Variants in LPA observed in about 807,000 individuals in gnomAD.
LPA encodes the protein apolipoprotein(a).
Under a neutral mutation model 197.9 loss-of-function variants are expected in LPA, and 199 were observed. The observed-to-expected ratio is 1.01, with a 90% CI of 0.90 to 1.13. The LOEUF (loss-of-function observed/expected upper bound fraction) is 1.13. LPA is among the 50% of genes most tolerant of loss of function. The pLI, the probability that LPA is intolerant of heterozygous loss-of-function variation, is 0.00. For synonymous variants in LPA, 715 were observed against 639.5 expected (o/e 1.12, Z -1.78); for missense variants, 1,853 against 1,785.8 (o/e 1.04, Z -0.68).
chr6:160,594,151 A>G, intron 21 of LPA, 34 bp from the exon 22 acceptor site: 1 of 1,613,108 alleles, frequency 6.2e-7, no homozygotes, highest in Non-Finnish European at 8.5e-7. Context: ...AAGCTGAGTA[A>G]TTTCTAGAAC....
chr6:160,605,976 T>C lies in LPA; in HGVS notation c.2785+501A>G, dbSNP rs41270978. 3.2e-3 allele frequency among the ~76,000 whole-genome samples: 482 copies of C among 152,284 alleles called. 1 individual carries two copies. The highest frequency in any genetic ancestry group is 5.8e-3 in the South Asian group (28 of 4,826). On this transcript the variant is annotated intron_variant, in intron 17 of 38. Coordinates refer to ENST00000316300, the MANE Select transcript of LPA (RefSeq NM_005577.4). ...TGAGGAAGTCCTGAAACATAGATCATTGGGAGTTCATGTACTGCTCCATAG... is the reference window on the plus strand; with the variant it reads ...TGAGGAAGTCCTGAAACATAGATCACTGGGAGTTCATGTACTGCTCCATAG...
intron 31 of LPA, 49 bp downstream of exon 31, chr6:160,548,429 A>G (rs1778110781): frequency 6.3e-7 from 1 of 1,587,006 alleles, no homozygotes; most frequent in South Asian, 1.1e-5. Flanking sequence ...CCGTTGTCCA[A>G]GCACATAGAG....
chr6:160,532,466 G>T, intron 38 of LPA, 65 bp downstream of exon 38: 2 of 1,305,020 alleles, frequency 1.5e-6, no homozygotes, highest in Non-Finnish European at 2.2e-6. Context: ...CTTTGGGACT[G>T]ACGTCTAAGG....
In LPA at chr6:160,564,781, C is replaced by T. The variant is rs553506547; in HGVS notation, c.4632-7210G>A. 1.8e-4 allele frequency among the ~76,000 whole-genome samples: 28 copies of T among 152,268 alleles called. No individual in the cohort carries two copies. The South Asian group carries it at 2.5e-3, about 14-fold the overall frequency. Reference sequence around the variant, plus strand: ...GCCATGACAGATGTACCCGGAAAATCGGGACACTCCCACCCTAATATTGCA... The same window carrying T: ...GCCATGACAGATGTACCCGGAAAATTGGGACACTCCCACCCTAATATTGCA... On this transcript the variant is annotated intron_variant, in intron 28 of 38. Transcript: ENST00000316300.
chr6:160,611,469 G>A (rs922313310), intron 16 of LPA, 93 bp downstream of exon 16: 1 of 1,558,112 alleles, frequency 6.4e-7, no homozygotes, highest in East Asian at 2.2e-5. Flanking sequence ...TCTGACACAA[G>A]TTGAGTTCGG....
At chr6:160,552,755 A>C (rs1387312901) in intron 30 of LPA, among the ~76,000 whole-genome samples, 1 of 152,208 alleles carries the variant, frequency 6.6e-6, no homozygotes, top group Non-Finnish European at 1.5e-5. Flanking sequence ...TATTCTAAAA[A>C]GAACACACTT....
chr6:160,647,613 C>T (rs893187853), intron 2 of LPA, among the ~76,000 whole-genome samples: 2 of 152,078 alleles, frequency 1.3e-5, no homozygotes, highest in African/African-American at 4.8e-5. Context: ...ATACAACAAA[C>T]CTCAGAGTTA....
chr6:160,631,749 T>C (rs1190512934), intron 8 of LPA, among the ~76,000 whole-genome samples: 1 of 151,236 alleles, frequency 6.6e-6, no homozygotes, highest in East Asian at 1.9e-4. Flanking sequence ...TGTGATTTTT[T>C]TTAATGTTCT....
intron 6 of LPA, among the ~76,000 whole-genome samples, chr6:160,635,517 T>A (rs1474410161): frequency 5.2e-5 from 6 of 116,426 alleles, no homozygotes; most frequent in East Asian, 2.4e-4. Flanking sequence ...CTATTTTTTT[T>A]AAATAAAAAA....
At chr6:160,573,609 G>A (rs768196020) in intron 28 of LPA, among the ~76,000 whole-genome samples, 9 of 152,172 alleles carry the variant, frequency 5.9e-5, no homozygotes, top group African/African-American at 9.7e-5. Flanking sequence ...TTTATCCCAT[G>A]GGGTGTTCCC....
At chr6:160,626,618 T>G (rs1486190116) in intron 10 of LPA, among the ~76,000 whole-genome samples, 2 of 123,480 alleles carry the variant, frequency 1.6e-5, no homozygotes, top group East Asian at 4.4e-4. Context: ...TTAATTTGGC[T>G]ATTCTGTACT....
intron 2 of LPA, among the ~76,000 whole-genome samples, chr6:160,647,044 A>G (rs1562351302): frequency 1.3e-5 from 2 of 152,192 alleles, no homozygotes; most frequent in South Asian, 4.1e-4. Flanking sequence ...AAGACTTCTC[A>G]AAGCTGCCCT....
intron 37 of LPA, among the ~76,000 whole-genome samples, chr6:160,537,414 C>T (rs1472524010): frequency 1.3e-5 from 2 of 152,118 alleles, no homozygotes; most frequent in Admixed American, 6.5e-5. Flanking sequence ...CAACTTTTGT[C>T]GTTACTGTTT....
intron 24 of LPA, 55 bp from the exon 25 acceptor site, chr6:160,586,685 C>T (rs990608121): frequency 1.6e-5 from 26 of 1,610,838 alleles, no homozygotes; most frequent in East Asian, 6.7e-5. Flanking sequence ...TACAGCACCA[C>T]CTGGCACCCT....
intron 28 of LPA, among the ~76,000 whole-genome samples, chr6:160,560,753 G>GT (rs551116251): frequency 2.0e-5 from 3 of 152,156 alleles, no homozygotes; most frequent in Non-Finnish European, 4.4e-5. Context: ...TCTGATGAGA[G>GT]TTTTTTGCTG....
chr6:160,608,878 T>C (rs1240398834), intron 16 of LPA, among the ~76,000 whole-genome samples: 1 of 151,850 alleles, frequency 6.6e-6, no homozygotes, highest in East Asian at 1.9e-4. Flanking sequence ...TGTATGGGTG[T>C]GTTGTATGTG....
rs1244117969 is a variant in LPA, at chr6:160,547,042, GGCAA to G, written c.5304+743_5304+746del. 4.6e-5 allele frequency among the ~76,000 whole-genome samples: 7 copies of G among 152,116 alleles called. No homozygotes were observed. In the South Asian group the frequency reaches 6.2e-4, roughly 14 times the overall value. On this transcript the variant is annotated intron_variant, in intron 32 of 38. Transcript: ENST00000316300. Reference sequence around the variant, plus strand: ...GGCACCAGAGACCAGTTTCATAAAAGGCAATTTTTCTGTGCACCTGGGGTGAGGG... The same window carrying G: ...GGCACCAGAGACCAGTTTCATAAAAGTTTTTCTGTGCACCTGGGGTGAGGG...
intron 28 of LPA, among the ~76,000 whole-genome samples, 178 bp from the exon 29 acceptor site, chr6:160,557,749 A>C (rs990707215): frequency 1.1e-4 from 17 of 152,084 alleles, no homozygotes; most frequent in African/African-American, 3.9e-4. Flanking sequence ...AACCATGTAA[A>C]TTTCCAAGAT....
At chr6:160,575,392 C>A (rs1778637054) in intron 28 of LPA, among the ~76,000 whole-genome samples, 1 of 152,194 alleles carries the variant, frequency 6.6e-6, no homozygotes. Flanking sequence ...GGTTATGGAT[C>A]ACACTAAATG....
Sources: gnomAD v4.1 joint callset for allele counts (sites outside exome capture counted in the v4.1 genomes callset) on GRCh38, gnomAD v4.1.1 for gene constraint, MANE v1.5 for transcripts, NCBI Gene and HGNC (gene_info 2026-07-23, HGNC 2026-07-21) for gene names.